The following FAM178B variants were observed in gnomAD, a reference collection of about 807,000 sequenced individuals.
FAM178B encodes protein FAM178B.
Under a neutral mutation model 91.7 loss-of-function variants are expected in FAM178B, and 82 were observed. The observed-to-expected ratio is 0.89, with a 90% CI of 0.75 to 1.07. The LOEUF (loss-of-function observed/expected upper bound fraction) is 1.07, where lower values mean the gene tolerates loss of function less well. Ranked by LOEUF, FAM178B falls within the 50% of genes least tolerant of loss-of-function variation. The pLI, the probability that FAM178B is intolerant of heterozygous loss-of-function variation, is 0.00. For synonymous variants in FAM178B, 368 were observed against 359.4 expected, an observed-to-expected ratio of 1.02 and a Z score of -0.27; for missense variants, 769 against 846.7, an observed-to-expected ratio of 0.91 and a Z score of 1.14.
chr2:96,959,479 CT>C (rs530221707), intron 6 of FAM178B, among the ~76,000 whole-genome samples: 3 of 152,120 alleles, frequency 2.0e-5, no homozygotes, highest in Non-Finnish European at 4.4e-5. Context: ...CCCTGTATAA[CT>C]GGAAAAGAGA....
At chr2:96,947,689 T>A in intron 8 of FAM178B, 129 bp downstream of exon 8, 1 of 572,786 alleles carries the variant, frequency 1.7e-6, no homozygotes, top group East Asian at 2.8e-5. Context: ...GATGGCCTGA[T>A]GCCTCTACAC....
chr2:96,967,929 T>G (rs2153375493), intron 4 of FAM178B, among the ~76,000 whole-genome samples: 1 of 141,022 alleles, frequency 7.1e-6, no homozygotes, highest in African/African-American at 2.6e-5. Flanking sequence ...TTTTTTTTTT[T>G]TTTTTTTTTG....
intron 12 of FAM178B, among the ~76,000 whole-genome samples, chr2:96,903,039 ATTTTAT>A (rs2080964435): frequency 6.7e-6 from 1 of 149,538 alleles, no homozygotes; most frequent in Middle Eastern, 3.2e-3. Flanking sequence ...TGCTTATTTT[ATTTTAT>A]TTTATTTTTT....
intron 8 of FAM178B, among the ~76,000 whole-genome samples, chr2:96,932,606 T>C (rs534099549): frequency 6.6e-6 from 1 of 152,298 alleles, no homozygotes; most frequent in South Asian, 2.1e-4. Context: ...TCATTTTAGG[T>C]GATGCCCAGG....
chr2:96,882,755 C>T (rs905514982), intron 14 of FAM178B, among the ~76,000 whole-genome samples: 3 of 152,218 alleles, frequency 2.0e-5, no homozygotes, highest in Non-Finnish European at 2.9e-5. Context: ...GGTTAGCCCT[C>T]CTTGGGTGCT....
chr2:96,903,373 C>T (rs1488651986), intron 12 of FAM178B, among the ~76,000 whole-genome samples: 1 of 152,244 alleles, frequency 6.6e-6, no homozygotes, highest in Admixed American at 6.5e-5. Context: ...CCTCTTCTTT[C>T]CTTTGTGGCT....
chr2:96,943,902 CTTG>C (rs1411999700), intron 8 of FAM178B, among the ~76,000 whole-genome samples: 1 of 152,090 alleles, frequency 6.6e-6, no homozygotes, highest in East Asian at 1.9e-4. Flanking sequence ...GTGGTTTTTT[CTTG>C]TTGTTTTAAC....
At chr2:96,887,433 A>G (rs1452394206) in intron 14 of FAM178B, among the ~76,000 whole-genome samples, 1 of 152,138 alleles carries the variant, frequency 6.6e-6, no homozygotes, top group East Asian at 1.9e-4. Flanking sequence ...GATTGACCCT[A>G]AAAGGTAGCT....
chr2:96,921,584 A>G lies in FAM178B; in HGVS notation c.1358T>C (p.Leu453Pro). The stretch of plus-strand genomic sequence containing the variant: ...CACGTCCAGGCTGGTGCGGCACAGC[A>G]GCTCAATCAGTCCCATGAGGTTCTC... ...TDENLMGLIE[L>P]LCRTSLDVGL... is the part of the protein sequence containing the mutation. Residue 453 changes from leucine to proline, a missense_variant, in exon 11 of 17, where the codon CTG becomes CCG. By Grantham distance (98) the Leu-to-Pro change is moderately conservative (BLOSUM62 -3). Transcript: ENST00000490605. The G allele has an allele frequency of 1.3e-6, 2 of 1,551,726 alleles. No homozygotes were observed. The highest frequency in any genetic ancestry group is 1.7e-6 in the Non-Finnish European group (2 of 1,146,988).
intron 8 of FAM178B, among the ~76,000 whole-genome samples, chr2:96,934,550 A>G (rs2081593398): frequency 6.6e-6 from 1 of 152,186 alleles, no homozygotes; most frequent in Admixed American, 6.5e-5. Flanking sequence ...CCACACTATG[A>G]CATATCCATT....
intron 9 of FAM178B, among the ~76,000 whole-genome samples, chr2:96,925,854 G>A (rs887297075): frequency 6.6e-6 from 1 of 152,230 alleles, no homozygotes; most frequent in African/African-American, 2.4e-5. Flanking sequence ...CATTCTCAGA[G>A]GGAAGATGGC....
chr2:96,886,842 A>G (rs1484757761), intron 14 of FAM178B, among the ~76,000 whole-genome samples: 1 of 152,214 alleles, frequency 6.6e-6, no homozygotes, highest in Non-Finnish European at 1.5e-5. Context: ...TTCTGGGCTC[A>G]AGCCATCCTC....
chr2:96,900,827 G>T (rs1574216494), intron 13 of FAM178B, among the ~76,000 whole-genome samples: 3 of 152,250 alleles, frequency 2.0e-5, no homozygotes, highest in Admixed American at 2.0e-4. Flanking sequence ...ACAGCACCTG[G>T]GACTCAGACA....
At chr2:96,894,830 A>C (rs1173845013) in intron 13 of FAM178B, among the ~76,000 whole-genome samples, 12 of 23,678 alleles carry the variant, frequency 5.1e-4, no homozygotes, top group South Asian at 1.9e-3. Context: ...CCCCCTATAC[A>C]CCCCCACCCA....
intron 8 of FAM178B, among the ~76,000 whole-genome samples, chr2:96,939,979 G>C (rs1292906074): frequency 6.6e-6 from 1 of 152,178 alleles, no homozygotes; most frequent in Non-Finnish European, 1.5e-5. Flanking sequence ...CTGAATTACT[G>C]TTATCAAATT....
rs950138237 is a variant in FAM178B at position 96,898,065 on chromosome 2, G to A, written c.1651-4014C>T. The A allele has an allele frequency of 5.1e-6, 5 of 985,530 alleles. No individual in the cohort carries two copies. In the African/African-American group the frequency reaches 8.7e-5, roughly 17 times the overall value. 61.0% of individuals were successfully genotyped at this position (985,530 alleles called of 1,614,324 possible). On this transcript the variant is annotated intron_variant, in intron 13 of 16. Transcript: ENST00000490605. The stretch of plus-strand genomic sequence containing the variant: ...AGGGACTCCTGCCCAGCAGTGCCCT[G>A]CAAATTGCTGTGCCCAGATCCAGCC...
At chr2:96,961,317 GTGT>G (rs2082078290) in intron 5 of FAM178B, among the ~76,000 whole-genome samples, 1 of 144,910 alleles carries the variant, frequency 6.9e-6, no homozygotes, top group South Asian at 2.1e-4. Context: ...CAGAGGGTGT[GTGT>G]GTGTGTGTGT....
intron 9 of FAM178B, among the ~76,000 whole-genome samples, chr2:96,925,523 C>T (rs2081422666): frequency 6.6e-6 from 1 of 152,238 alleles, no homozygotes; most frequent in Non-Finnish European, 1.5e-5. Flanking sequence ...CCCGAAACTC[C>T]ACCACTGCTG....
chr2:96,971,493 G>A (rs2082217525), intron 3 of FAM178B, among the ~76,000 whole-genome samples: 1 of 152,170 alleles, frequency 6.6e-6, no homozygotes, highest in Admixed American at 6.5e-5. Flanking sequence ...CATCATTGAA[G>A]TTCCATTTAG....
Sources: allele counts gnomAD v4.1 joint callset (sites outside exome capture counted in the v4.1 genomes callset), GRCh38; gene constraint gnomAD v4.1.1; transcripts MANE v1.5; gene names NCBI Gene and HGNC (gene_info 2026-07-23, HGNC 2026-07-21).